The following RPS6KC1 variants were observed in gnomAD, a reference collection of about 807,000 sequenced individuals.
RPS6KC1 encodes ribosomal protein S6 kinase C1, also known as inactive ribosomal protein S6 kinase delta-1.
Under a neutral mutation model 103.8 loss-of-function variants are expected in RPS6KC1, and 54 were observed. The ratio of observed to expected loss-of-function variants is 0.52; its 90% CI spans 0.42 to 0.65. The LOEUF (loss-of-function observed/expected upper bound fraction) is 0.65, where lower values mean the gene tolerates loss of function less well. RPS6KC1 is among the 30% of genes least tolerant of loss of function. RPS6KC1 has a pLI of 0.00. For missense variants in RPS6KC1, 1,151 were observed against 1,253.8 expected (o/e 0.92, Z 1.24); for synonymous variants, 439 against 438.7 (o/e 1.00, Z -0.01).
At chr1:213,471,971 A>G in the RPS6KC1 span, among the ~76,000 whole-genome samples, 2 of 152,162 alleles carry the variant, frequency 1.3e-5, no homozygotes, top group African/African-American at 2.4e-5. Context: ...GTCTTCACCA[A>G]CACAGCTGTA....
chr1:213,764,924 T>A, the RPS6KC1 span, among the ~76,000 whole-genome samples: 1 of 152,188 alleles, frequency 6.6e-6, no homozygotes, highest in Non-Finnish European at 1.5e-5. Flanking sequence ...AGCAGTCCAT[T>A]TCCTTCCATG....
At chr1:213,642,892 A>AT in the RPS6KC1 span, among the ~76,000 whole-genome samples, 2 of 151,762 alleles carry the variant, frequency 1.3e-5, no homozygotes, top group Non-Finnish European at 2.9e-5. Context: ...GAGGTAGCGT[A>AT]TTTTTTCCCC....
chr1:213,628,337 G>A, the RPS6KC1 span, among the ~76,000 whole-genome samples: 95 of 151,994 alleles, frequency 6.3e-4, no homozygotes, highest in Middle Eastern at 3.4e-3. Context: ...TCTTGCTAGC[G>A]GTCTATCAAT....
the RPS6KC1 span, among the ~76,000 whole-genome samples, chr1:213,509,796 T>G: frequency 6.6e-6 from 1 of 152,352 alleles, no homozygotes; most frequent in South Asian, 2.1e-4. Flanking sequence ...AATTTTCGTG[T>G]GTTAGATAAC....
chr1:213,173,439 C>G (rs536497357), intron 7 of RPS6KC1, among the ~76,000 whole-genome samples: 1 of 152,288 alleles, frequency 6.6e-6, no homozygotes, highest in African/African-American at 2.4e-5. Context: ...GTCTAGACTT[C>G]GGAGACTGTA....
At chr1:213,325,226 C>CT in the RPS6KC1 span, among the ~76,000 whole-genome samples, 1 of 152,160 alleles carries the variant, frequency 6.6e-6, no homozygotes, top group Admixed American at 6.5e-5. Flanking sequence ...TTCTGAGCAT[C>CT]TACGGACCCT....
At chr1:213,763,809 C>T in the RPS6KC1 span, among the ~76,000 whole-genome samples, 1 of 152,316 alleles carries the variant, frequency 6.6e-6, no homozygotes, top group South Asian at 2.1e-4. Flanking sequence ...CAACTCCAGG[C>T]AGGTGATGGG....
the RPS6KC1 span, among the ~76,000 whole-genome samples, chr1:213,497,373 A>C: frequency 7.1e-6 from 1 of 140,074 alleles, no homozygotes; most frequent in Admixed American, 7.7e-5. Context: ...AGTTTAACTT[A>C]AGGAAAAAAA....
intron 12 of RPS6KC1, among the ~76,000 whole-genome samples, chr1:213,260,942 G>A (rs1435107642): frequency 6.6e-6 from 1 of 152,134 alleles, no homozygotes; most frequent in Non-Finnish European, 1.5e-5. Context: ...AGTTTCAGCC[G>A]TGGCTTAAAA....
At chr1:213,833,096 A>C in the RPS6KC1 span, among the ~76,000 whole-genome samples, 1 of 152,156 alleles carries the variant, frequency 6.6e-6, no homozygotes, top group African/African-American at 2.4e-5. Context: ...TGCTGAAGAG[A>C]AGAGGGAGGA....
chr1:213,526,268 G>A, the RPS6KC1 span, among the ~76,000 whole-genome samples: 21 of 152,150 alleles, frequency 1.4e-4, no homozygotes, highest in Non-Finnish European at 2.1e-4. Context: ...GAGTCCAGAG[G>A]GTTGTTGGAA....
the RPS6KC1 span, among the ~76,000 whole-genome samples, chr1:213,621,527 C>T: frequency 3.9e-5 from 6 of 151,978 alleles, no homozygotes; most frequent in Non-Finnish European, 7.4e-5. Flanking sequence ...TTAAAGTGCT[C>T]GGAATTAAGG....
chr1:213,852,127 G>A, the RPS6KC1 span, among the ~76,000 whole-genome samples: 31 of 151,626 alleles, frequency 2.0e-4, no homozygotes, highest in Non-Finnish European at 3.5e-4. Context: ...AATCATCAAC[G>A]GAGACCTTCT....
intron 8 of RPS6KC1, among the ~76,000 whole-genome samples, chr1:213,213,139 A>G (rs1051592067): frequency 2.0e-5 from 3 of 152,224 alleles, no homozygotes; most frequent in East Asian, 1.9e-4. Context: ...CAGAAAAGTC[A>G]TCACCATATT....
the RPS6KC1 span, among the ~76,000 whole-genome samples, chr1:213,642,881 G>A: frequency 1.5e-3 from 235 of 151,794 alleles, no homozygotes; most frequent in African/African-American, 5.2e-3. Context: ...TGTATGGTAG[G>A]GAGGTAGCGT....
At chr1:213,623,820 A>G in the RPS6KC1 span, among the ~76,000 whole-genome samples, 1 of 152,208 alleles carries the variant, frequency 6.6e-6, no homozygotes, top group African/African-American at 2.4e-5. Flanking sequence ...TGCTAGCAAC[A>G]CATCCGCTGA....
chr1:213,496,187 A>C, the RPS6KC1 span, among the ~76,000 whole-genome samples: 3 of 152,208 alleles, frequency 2.0e-5, no homozygotes, highest in Non-Finnish European at 4.4e-5. Flanking sequence ...ATAAGAAAAC[A>C]AAAGAAAAAG....
At chr1:213,223,845 A>G (rs769928604) in intron 8 of RPS6KC1, among the ~76,000 whole-genome samples, 3 of 151,020 alleles carry the variant, frequency 2.0e-5, no homozygotes, top group East Asian at 3.9e-4. Flanking sequence ...TTTAACTTGT[A>G]TTAATTGTTC....
At chr1:213,185,193 G>A in intron 8 of RPS6KC1, among the ~76,000 whole-genome samples, 1 of 152,120 alleles carries the variant, frequency 6.6e-6, no homozygotes, top group East Asian at 1.9e-4. Flanking sequence ...TTTTATCTAA[G>A]TAGAGCTACT....
Sources: allele counts gnomAD v4.1 joint callset (sites outside exome capture counted in the v4.1 genomes callset), GRCh38; gene constraint gnomAD v4.1.1; transcripts MANE v1.5; gene names NCBI Gene and HGNC (gene_info 2026-07-23, HGNC 2026-07-21).